RIPOR2: variants seen among roughly 807,000 people sequenced by gnomAD.
The protein encoded by RIPOR2 is RHO family interacting cell polarization regulator 2.
In RIPOR2, 39 loss-of-function variants were observed where a neutral mutation model predicts 114.5. The observed-to-expected ratio is 0.34, with a 90% CI of 0.26 to 0.44. The LOEUF is 0.44. Ranked by LOEUF, RIPOR2 falls within the 20% of genes least tolerant of loss-of-function variation. RIPOR2 has a pLI of 1.00. For synonymous variants in RIPOR2, 445 were observed against 484.4 expected (o/e 0.92, Z 1.07); for missense variants, 1,007 against 1,255.1 (o/e 0.80, Z 2.99).
rs58886088 is a variant in RIPOR2 at position 25,031,699 on chromosome 6, TTATATATATATATATATATATA to T, written c.76+10130_76+10151del. On this transcript the variant is annotated intron_variant, in intron 1 of 13. Coordinates refer to the RIPOR2 transcript ENST00000510784. ...GTTAGGTATGTGATGTAGGTGGTAG[TTATATATATATATATATATATA>T]TATATATATATATATATATATATAT... 7.4e-3 allele frequency among the ~76,000 whole-genome samples: 262 copies of T among 35,466 alleles called. 6 individuals carry two copies. The highest frequency in any genetic ancestry group is 0.026 in the Middle Eastern group (1 of 38). The allele number at this position is 35,466 out of a possible 152,430, so 23.3% of individuals were successfully genotyped here.
At chr6:25,025,066 A>T (rs1170658298) in intron 1 of RIPOR2, among the ~76,000 whole-genome samples, 1 of 152,230 alleles carries the variant, frequency 6.6e-6, no homozygotes, top group African/African-American at 2.4e-5. Context: ...AAATATTCAC[A>T]CTAAATGGAG....
At chr6:24,830,460 C>A in intron 17 of RIPOR2, 49 bp downstream of exon 17, 1 of 1,505,502 alleles carries the variant, frequency 6.6e-7, no homozygotes, top group South Asian at 1.2e-5. Flanking sequence ...CCCCAATGCC[C>A]ACTCTCACAC....
At chr6:24,911,261 A>G (rs992691783) in intron 1 of RIPOR2, 1 of 152,148 alleles carries the variant, frequency 6.6e-6, no homozygotes, top group Admixed American at 6.5e-5. Context: ...CTTCCAGCTG[A>G]TCGCCGGCAC....
chr6:24,981,678 C>T (rs1287255758), intron 1 of RIPOR2, among the ~76,000 whole-genome samples: 1 of 152,170 alleles, frequency 6.6e-6, no homozygotes, highest in East Asian at 1.9e-4. Flanking sequence ...GACTCTGGAG[C>T]TATATCATCC....
intron 6 of RIPOR2, among the ~76,000 whole-genome samples, chr6:24,866,812 G>C (rs1032844758): frequency 1.3e-5 from 2 of 152,040 alleles, no homozygotes; most frequent in African/African-American, 4.8e-5. Context: ...GCTTTGGGGA[G>C]GCATACTTAC....
At chr6:24,929,402 C>G (rs1177767105) in intron 1 of RIPOR2, 2 of 152,246 alleles carry the variant, frequency 1.3e-5, no homozygotes, top group East Asian at 3.8e-4. Flanking sequence ...AGCACATCCT[C>G]ATTTCAGGGT....
At chr6:24,843,699 GT>G in intron 12 of RIPOR2, 145 bp from the exon 13 acceptor site, 1 of 14,094 alleles carries the variant, frequency 7.1e-5, no homozygotes, top group Non-Finnish European at 1.8e-4. Flanking sequence ...TGTTGATGCC[GT>G]GTGTGTGTGT....
At position 24,843,554 on chromosome 6, in the gene RIPOR2, A is replaced by T. The variant is rs772304084; in HGVS notation, c.1165T>A (p.Ser389Thr). The T allele has an allele frequency of 6.7e-7, 1 of 1,503,476 alleles. No homozygotes were observed. The highest frequency in any genetic ancestry group is 2.3e-5 in the East Asian group (1 of 43,616). The allele number at this position is 1,503,476 out of a possible 1,614,324, so 93.1% of individuals were successfully genotyped here. A position where few individuals can be genotyped will look rare whatever the true frequency, so the allele number is the denominator to read the frequency against. ...TPTFKDHSFF[S>T]NLPDDIFENG... ...TCAAAGATGTCATCAGGTAGATTTG[A>T]CTATAGATAAAAGATACCTCATTAT... The change falls in exon 13 of 22, where the codon TCA (serine) becomes ACA (threonine). Residue 389 changes from serine to threonine, a missense_variant and splice_region_variant. Ser to Thr is a moderately conservative substitution (Grantham distance 58). Coordinates refer to ENST00000643898, the MANE Select transcript of RIPOR2 (RefSeq NM_001286445.3).
chr6:24,825,925 C>CTTT (rs11454820), intron 18 of RIPOR2, among the ~76,000 whole-genome samples: 30,190 of 126,098 alleles, frequency 0.24, 4,909 homozygotes, highest in Middle Eastern at 0.34. Flanking sequence ...ATGTTTTTCT[C>CTTT]TTTTTTTTTT....
At chr6:24,954,304 C>T (rs916143433) in intron 1 of RIPOR2, among the ~76,000 whole-genome samples, 4 of 152,070 alleles carry the variant, frequency 2.6e-5, no homozygotes, top group Admixed American at 6.6e-5. Context: ...CAATTATGAT[C>T]CTTGGCAGAA....
In RIPOR2 at chr6:24,927,270, TACAATCACCACCACCACCAC is replaced by T. The variant is rs1770993742; in HGVS notation, c.61+8548_61+8567del. ...TCACCACCACCACCACCACCACAGC[TACAATCACCACCACCACCAC>T]CACCACCACCACCACAACTACAATC... On this transcript the variant is annotated intron_variant, in intron 1 of 21. Transcript: ENST00000643898. Among the ~76,000 whole-genome samples, 4 of 4,582 alleles carry T rather than the reference TACAATCACCACCACCACCAC, an allele frequency of 8.7e-4. 1 individual carries two copies. The highest frequency in any genetic ancestry group is 5.4e-3 in the African/African-American group (4 of 736). 3.0% of individuals were successfully genotyped at this position (4,582 alleles called of 152,430 possible).
intron 6 of RIPOR2, among the ~76,000 whole-genome samples, chr6:24,868,003 A>T (rs1422961246): frequency 6.6e-6 from 1 of 152,202 alleles, no homozygotes; most frequent in Non-Finnish European, 1.5e-5. Context: ...TTTTGAATTA[A>T]ACAATAATAT....
At chr6:24,850,762 C>T (rs550043686) in intron 9 of RIPOR2, 40 bp from the exon 10 acceptor site, 5 of 1,610,382 alleles carry the variant, frequency 3.1e-6, no homozygotes, top group East Asian at 2.2e-5. Flanking sequence ...GTCTTGCCAC[C>T]CCCTCTTCTC....
chr6:24,942,582 C>T (rs532640357), intron 1 of RIPOR2, among the ~76,000 whole-genome samples: 9 of 152,260 alleles, frequency 5.9e-5, no homozygotes, highest in African/African-American at 2.2e-4. Context: ...CTGTTGTTTC[C>T]TGACTTTTTA....
intron 1 of RIPOR2, among the ~76,000 whole-genome samples, chr6:24,958,153 G>A (rs188136827): frequency 2.2e-3 from 329 of 152,250 alleles, no homozygotes; most frequent in Non-Finnish European, 2.7e-3. Flanking sequence ...ATTTTAAAAA[G>A]CTATGTTTTG....
chr6:24,827,324 C>T (rs1760281237), intron 18 of RIPOR2, among the ~76,000 whole-genome samples: 1 of 152,156 alleles, frequency 6.6e-6, no homozygotes, highest in Non-Finnish European at 1.5e-5. Flanking sequence ...TATGATGCCA[C>T]CCAATGTGCT....
At chr6:24,871,018 T>G (rs973564188) in intron 4 of RIPOR2, 129 bp from the exon 5 acceptor site, 4 of 564,718 alleles carry the variant, frequency 7.1e-6, no homozygotes, top group Non-Finnish European at 1.2e-5. Flanking sequence ...AAAATTCTAC[T>G]GGATGTTTTA....
At chr6:24,916,889 T>G (rs1022233561) in intron 1 of RIPOR2, among the ~76,000 whole-genome samples, 5 of 152,148 alleles carry the variant, frequency 3.3e-5, no homozygotes, top group African/African-American at 1.2e-4. Flanking sequence ...ATCTTAAGCC[T>G]AAACCTCCTC....
Position 24,806,080 on chromosome 6 carries a change from G to A in RIPOR2, c.*293C>T, listed in dbSNP as rs773753857. The A allele has an allele frequency of 6.5e-6, 2 of 307,084 alleles. No individual in the cohort carries two copies. Among genetic ancestry groups the A allele is most frequent in the South Asian group, 9.6e-5 (2 of 20,922 alleles). 19.0% of individuals were successfully genotyped at this position (307,084 alleles called of 1,614,324 possible). On this transcript the variant is annotated 3_prime_UTR_variant, in exon 22 of 22. Coordinates refer to ENST00000643898, the MANE Select transcript of RIPOR2 (RefSeq NM_001286445.3). ...TCCTCCCACCTTAGCCTCCCAAGTA[G>A]CTGGGACTACAGGTGCATGCCACCA...
Sources: allele counts gnomAD v4.1 joint callset (sites outside exome capture counted in the v4.1 genomes callset), GRCh38; gene constraint gnomAD v4.1.1; transcripts MANE v1.5; gene names NCBI Gene and HGNC (gene_info 2026-07-23, HGNC 2026-07-21).